Variants in OR4K2 observed in about 807,000 individuals in gnomAD.
OR4K2 encodes olfactory receptor 4K2.
OR4K2 carries 8 observed loss-of-function variants against 10.5 expected under a neutral mutation model. That is an observed-to-expected ratio of 0.76 (90% CI 0.45 to 1.37). The LOEUF (loss-of-function observed/expected upper bound fraction) is 1.37, where lower values mean the gene tolerates loss of function less well. OR4K2 is among the 40% of genes most tolerant of loss of function. OR4K2 has a pLI of 0.00. For missense variants in OR4K2, 547 were observed against 379.5 expected (o/e 1.44, Z -3.67); for synonymous variants, 178 against 133.6 (o/e 1.33, Z -2.29).
rs1301297811 is a variant in OR4K2 at position 19,881,807 on chromosome 14, T to A, written c.*4595T>A. The A allele has an allele frequency of 1.3e-5, 2 of 151,940 alleles. No individual in the cohort carries two copies. Among genetic ancestry groups the A allele is most frequent in the Non-Finnish European group, 2.9e-5 (2 of 67,984 alleles). 9.4% of individuals were successfully genotyped at this position (151,940 alleles called of 1,614,324 possible). On this transcript the variant is annotated 3_prime_UTR_variant, in exon 2 of 2. Transcript: ENST00000641885. Reference sequence around the variant, plus strand: ...TCACTTGCCACCTGTTAAAGAAAATTTAAAGGAGAGATTTTTTTTTTTAGT... The same window carrying A: ...TCACTTGCCACCTGTTAAAGAAAATATAAAGGAGAGATTTTTTTTTTTAGT...
rs777994488 is a variant in OR4K2 at position 19,877,198 on chromosome 14, G to T, written c.931G>T (p.Ala311Ser). The change falls in exon 2 of 2, where the codon GCA becomes TCA. Residue 311 changes from alanine (A) to serine (S), a missense_variant. Coordinates refer to ENST00000641885, the MANE Select transcript of OR4K2 (RefSeq NM_001005501.2). ...AAATAGGTTTCTAAATTTTAATAAG[G>T]CAATGCCTTCATAGTTTTTGTGACA... ...LKNRFLNFNK[A>S]MPS 14 of 1,579,594 alleles carry T rather than the reference G, an allele frequency of 8.9e-6. No individual in the cohort carries two copies. The highest frequency in any genetic ancestry group is 1.3e-5 in the African/African-American group (1 of 74,142).
rs1388103663 is a variant in OR4K2, at chr14:19,883,454, C to T, written c.*6242C>T. The T allele has an allele frequency of 1.3e-5, 2 of 152,198 alleles. No homozygotes were observed. The highest frequency in any genetic ancestry group is 2.9e-5 in the Non-Finnish European group (2 of 68,044). The allele number at this position is 152,198 out of a possible 1,614,324, so 9.4% of individuals were successfully genotyped here. On this transcript the variant is annotated 3_prime_UTR_variant, in exon 2 of 2. Transcript: ENST00000641885. The stretch of plus-strand genomic sequence containing the variant: ...GCTATTCCTTTATTTTCTTGATTAT[C>T]TTAAATTGAAATAATGACTCTCTTT...
At position 19,880,373 on chromosome 14, in the gene OR4K2, T is replaced by A. The variant is rs1450905444; in HGVS notation, c.*3161T>A. 1 of 152,216 alleles carries A rather than the reference T, an allele frequency of 6.6e-6. No individual in the cohort carries two copies. Among genetic ancestry groups the A allele is most frequent in the Non-Finnish European group, 1.5e-5 (1 of 68,026 alleles). The allele number at this position is 152,216 out of a possible 1,614,324, so 9.4% of individuals were successfully genotyped here. On this transcript the variant is annotated 3_prime_UTR_variant, in exon 2 of 2. Coordinates refer to ENST00000641885, the MANE Select transcript of OR4K2 (RefSeq NM_001005501.2). Reference sequence around the variant, plus strand: ...TAATAGTGGTCTCTACACCACAGAGTTATTTGAGGCATAAAAGAAGCAAAT... The same window carrying A: ...TAATAGTGGTCTCTACACCACAGAGATATTTGAGGCATAAAAGAAGCAAAT...
chr14:19,876,851 T>A lies in OR4K2; in HGVS notation c.584T>A (p.Leu195Gln), dbSNP rs751443657. ...TTGGCTTGTGTGGATACTTATGTTCTGGGCCTCTTTATGATCTCAACAAGT... is the reference window on the plus strand; with the variant it reads ...TTGGCTTGTGTGGATACTTATGTTCAGGGCCTCTTTATGATCTCAACAAGT... ...FQLACVDTYV[L>Q]GLFMISTSGI... The change falls in exon 2 of 2, where the codon CTG (leucine) becomes CAG (glutamine). Residue 195 changes from leucine to glutamine, a missense_variant. Leu to Gln is a moderately radical substitution (Grantham distance 113). Coordinates refer to ENST00000641885, the MANE Select transcript of OR4K2 (RefSeq NM_001005501.2). The A allele has an allele frequency of 1.2e-6, 2 of 1,614,082 alleles. No individual in the cohort carries two copies. The highest frequency in any genetic ancestry group is 2.7e-5 in the African/African-American group (2 of 74,940).
chr14:19,879,286 A>G lies in OR4K2; in HGVS notation c.*2074A>G, dbSNP rs1212169341. 1 of 152,204 alleles carries G rather than the reference A, an allele frequency of 6.6e-6. No homozygotes were observed. The highest frequency in any genetic ancestry group is 1.5e-5 in the Non-Finnish European group (1 of 68,044). 9.4% of individuals were successfully genotyped at this position (152,204 alleles called of 1,614,324 possible). A position where few individuals can be genotyped will look rare whatever the true frequency, so the allele number is the denominator to read the frequency against. ...CTGCATGTTATATAAACACTTAAAA[A>G]TCTTAGTTAGGACTTTAGGACTCAT... is the stretch of plus-strand genomic sequence containing the variant. On this transcript the variant is annotated 3_prime_UTR_variant, in exon 2 of 2. Coordinates refer to ENST00000641885, the MANE Select transcript of OR4K2 (RefSeq NM_001005501.2).
Position 19,880,570 on chromosome 14 carries a change from T to C in OR4K2, c.*3358T>C, listed in dbSNP as rs1397606961. On this transcript the variant is annotated 3_prime_UTR_variant, in exon 2 of 2. Coordinates refer to ENST00000641885, the MANE Select transcript of OR4K2 (RefSeq NM_001005501.2). ...TTTTAAATATTCATGTCTGTATATGTGTGTCAGTATTAATTTGAAAAATTA... is the reference window on the plus strand; with the variant it reads ...TTTTAAATATTCATGTCTGTATATGCGTGTCAGTATTAATTTGAAAAATTA... The C allele has an allele frequency of 6.6e-6, 1 of 152,268 alleles. No individual in the cohort carries two copies. Among genetic ancestry groups the C allele is most frequent in the East Asian group, 1.9e-4 (1 of 5,206 alleles). The allele number at this position is 152,268 out of a possible 1,614,324, so 9.4% of individuals were successfully genotyped here. A position where few individuals can be genotyped will look rare whatever the true frequency, so the allele number is the denominator to read the frequency against.
Position 19,882,971 on chromosome 14 carries a change from G to A in OR4K2, c.*5759G>A, listed in dbSNP as rs1881076474. The stretch of plus-strand genomic sequence containing the variant: ...GCCTCCTGAGTAGCTGGGACTACAG[G>A]CGCCCGCCACCACGCCCAGCTAATT... On this transcript the variant is annotated 3_prime_UTR_variant, in exon 2 of 2. Coordinates refer to ENST00000641885, the MANE Select transcript of OR4K2 (RefSeq NM_001005501.2). 1 of 152,444 alleles carries A rather than the reference G, an allele frequency of 6.6e-6. No individual in the cohort carries two copies. Among genetic ancestry groups the A allele is most frequent in the Admixed American group, 6.6e-5 (1 of 15,252 alleles). 9.4% of individuals were successfully genotyped at this position (152,444 alleles called of 1,614,324 possible). A position where few individuals can be genotyped will look rare whatever the true frequency, so the allele number is the denominator to read the frequency against.
In OR4K2 at chr14:19,881,200, A is replaced by T. The variant is rs1881028110; in HGVS notation, c.*3988A>T. On this transcript the variant is annotated 3_prime_UTR_variant, in exon 2 of 2. Coordinates refer to ENST00000641885, the MANE Select transcript of OR4K2 (RefSeq NM_001005501.2). ...GTCAATTGAAAAACGGGGAGAAGAA[A>T]ACAGCCAGGGAAATCTAATTCATGT... is the stretch of plus-strand genomic sequence containing the variant. 6.6e-6 allele frequency: 1 copy of T among 152,254 alleles called. No individual in the cohort carries two copies. The highest frequency in any genetic ancestry group is 1.5e-5 in the Non-Finnish European group (1 of 68,048). The allele number at this position is 152,254 out of a possible 1,614,324, so 9.4% of individuals were successfully genotyped here. A position where few individuals can be genotyped will look rare whatever the true frequency, so the allele number is the denominator to read the frequency against.
chr14:19,878,959 G>A lies in OR4K2; in HGVS notation c.*1747G>A, dbSNP rs1297043375. The A allele has an allele frequency of 1.3e-5, 2 of 152,340 alleles. No homozygotes were observed. Among genetic ancestry groups the A allele is most frequent in the East Asian group, 3.9e-4 (2 of 5,192 alleles). The allele number at this position is 152,340 out of a possible 1,614,324, so 9.4% of individuals were successfully genotyped here. ...TTGTCCAGGGAATATTTTCAAAACT[G>A]TGCTGCTTTTTGCAATATAAAACTG... On this transcript the variant is annotated 3_prime_UTR_variant, in exon 2 of 2. Coordinates refer to ENST00000641885, the MANE Select transcript of OR4K2 (RefSeq NM_001005501.2).
Position 19,879,293 on chromosome 14 carries a change from T to C in OR4K2, c.*2081T>C, listed in dbSNP as rs1438103288. 1 of 152,174 alleles carries C rather than the reference T, an allele frequency of 6.6e-6. No homozygotes were observed. The highest frequency in any genetic ancestry group is 6.6e-5 in the Admixed American group (1 of 15,264). 9.4% of individuals were successfully genotyped at this position (152,174 alleles called of 1,614,324 possible). On this transcript the variant is annotated 3_prime_UTR_variant, in exon 2 of 2. Coordinates refer to ENST00000641885, the MANE Select transcript of OR4K2 (RefSeq NM_001005501.2). ...TTATATAAACACTTAAAAATCTTAG[T>C]TAGGACTTTAGGACTCATGGTGGTT...
In OR4K2 at chr14:19,880,239, C is replaced by G. The variant is rs1881004650; in HGVS notation, c.*3027C>G. On this transcript the variant is annotated 3_prime_UTR_variant, in exon 2 of 2. Coordinates refer to ENST00000641885, the MANE Select transcript of OR4K2 (RefSeq NM_001005501.2). ...TTTTAAAAGTCTTAGACTCTGGTAT[C>G]TTTTTTTTTTTTAAACAGTGTTTAA... 1 of 147,852 alleles carries G rather than the reference C, an allele frequency of 6.8e-6. No individual in the cohort carries two copies. The highest frequency in any genetic ancestry group is 2.5e-5 in the African/African-American group (1 of 40,436). 9.2% of individuals were successfully genotyped at this position (147,852 alleles called of 1,614,324 possible).
Position 19,876,280 on chromosome 14 carries a change from A to G in OR4K2, c.13A>G (p.Asn5Asp), listed in dbSNP as rs1880892195. The change falls in exon 2 of 2, where the codon AAT (asparagine) becomes GAT (aspartate). Residue 5 changes from asparagine to aspartate, a missense_variant. By Grantham distance (23) the Asn-to-Asp change is conservative. Coordinates refer to ENST00000641885, the MANE Select transcript of OR4K2 (RefSeq NM_001005501.2). MDVG[N>D]KSTMSEFVLL... ...ATGAATCAAGACAATGGATGTGGGC[A>G]ATAAGTCTACCATGTCTGAATTTGT... 2.5e-6 allele frequency: 4 copies of G among 1,601,144 alleles called. No individual in the cohort carries two copies. Among genetic ancestry groups the G allele is most frequent in the Admixed American group, 1.7e-5 (1 of 59,200 alleles).
chr14:19,876,113 A>G lies in OR4K2; in HGVS notation c.-45A>G. 2 of 644,022 alleles carry G rather than the reference A, an allele frequency of 3.1e-6. No homozygotes were observed. Among genetic ancestry groups the G allele is most frequent in the Non-Finnish European group, 5.2e-6 (2 of 383,668 alleles). 39.9% of individuals were successfully genotyped at this position (644,022 alleles called of 1,614,324 possible). Reference sequence around the variant, plus strand: ...CATTCAAAACAATATACCAAATGAGAAGGATGGAAAGAATAGTCAAGGTAA... The same window carrying G: ...CATTCAAAACAATATACCAAATGAGGAGGATGGAAAGAATAGTCAAGGTAA... On this transcript the variant is annotated 5_prime_UTR_variant, in exon 1 of 2. Transcript: ENST00000641885.
rs1881072232 is a variant in OR4K2 at position 19,882,838 on chromosome 14, T to TTC, written c.*5627_*5628insCT. 1 of 149,944 alleles carries TTC rather than the reference T, an allele frequency of 6.7e-6. No individual in the cohort carries two copies. Among genetic ancestry groups the TTC allele is most frequent in the East Asian group, 1.9e-4 (1 of 5,198 alleles). The allele number at this position is 149,944 out of a possible 1,614,324, so 9.3% of individuals were successfully genotyped here. On this transcript the variant is annotated 3_prime_UTR_variant, in exon 2 of 2. Transcript: ENST00000641885. ...TTTTTCTTTTTTTTTTCTTTTTTTT[T>TTC]TTTTTTTGAGACGGAGTCTTGCTCT...
In OR4K2 at chr14:19,878,974, A is replaced by G. The variant is rs941809078; in HGVS notation, c.*1762A>G. ...TTTCAAAACTGTGCTGCTTTTTGCA[A>G]TATAAAACTGTGGAATCTTTTGGAA... On this transcript the variant is annotated 3_prime_UTR_variant, in exon 2 of 2. Coordinates refer to ENST00000641885, the MANE Select transcript of OR4K2 (RefSeq NM_001005501.2). 2.0e-5 allele frequency: 3 copies of G among 152,348 alleles called. No homozygotes were observed. The highest frequency in any genetic ancestry group is 2.1e-4 in the South Asian group (1 of 4,830). The allele number at this position is 152,348 out of a possible 1,614,324, so 9.4% of individuals were successfully genotyped here.
In OR4K2 at chr14:19,877,236, C is replaced by A; in HGVS notation, c.*24C>A. ...AGTTTTTGTGACACAGAACATTAGA[C>A]ACAATGCTGTGTTAGGCTTTTCTTT... On this transcript the variant is annotated 3_prime_UTR_variant, in exon 2 of 2. Coordinates refer to ENST00000641885, the MANE Select transcript of OR4K2 (RefSeq NM_001005501.2). The A allele has an allele frequency of 6.9e-7, 1 of 1,448,530 alleles. No individual in the cohort carries two copies. The highest frequency in any genetic ancestry group is 9.4e-7 in the Non-Finnish European group (1 of 1,059,884). 89.7% of individuals were successfully genotyped at this position (1,448,530 alleles called of 1,614,324 possible). A position where few individuals can be genotyped will look rare whatever the true frequency, so the allele number is the denominator to read the frequency against.
At position 19,882,415 on chromosome 14, in the gene OR4K2, T is replaced by A. The variant is rs1881059188; in HGVS notation, c.*5203T>A. ...GAGGGTGGATTGGAGGGAGACTCCG[T>A]CAATCAATCAATATCCATTACTTTA... On this transcript the variant is annotated 3_prime_UTR_variant, in exon 2 of 2. Transcript: ENST00000641885. 6.6e-6 allele frequency: 1 copy of A among 152,140 alleles called. No homozygotes were observed. Among genetic ancestry groups the A allele is most frequent in the Non-Finnish European group, 1.5e-5 (1 of 68,042 alleles). 9.4% of individuals were successfully genotyped at this position (152,140 alleles called of 1,614,324 possible). A position where few individuals can be genotyped will look rare whatever the true frequency, so the allele number is the denominator to read the frequency against.
Position 19,879,835 on chromosome 14 carries a change from T to C in OR4K2, c.*2623T>C, listed in dbSNP as rs865976029. 1 of 152,254 alleles carries C rather than the reference T, an allele frequency of 6.6e-6. No individual in the cohort carries two copies. The highest frequency in any genetic ancestry group is 1.5e-5 in the Non-Finnish European group (1 of 68,046). 9.4% of individuals were successfully genotyped at this position (152,254 alleles called of 1,614,324 possible). A position where few individuals can be genotyped will look rare whatever the true frequency, so the allele number is the denominator to read the frequency against. ...GCTTGTAAAGCTTAGGTTTTATAACTCCTCCTTTGCATGGATTTCCTCGAA... is the reference window on the plus strand; with the variant it reads ...GCTTGTAAAGCTTAGGTTTTATAACCCCTCCTTTGCATGGATTTCCTCGAA... On this transcript the variant is annotated 3_prime_UTR_variant, in exon 2 of 2. Transcript: ENST00000641885.
In OR4K2 at chr14:19,876,082, A is replaced by C. The variant is rs1418354449; in HGVS notation, c.-76A>C. The C allele has an allele frequency of 7.0e-6, 4 of 574,144 alleles. No individual in the cohort carries two copies. Among genetic ancestry groups the C allele is most frequent in the Non-Finnish European group, 1.2e-5 (4 of 335,570 alleles). 35.6% of individuals were successfully genotyped at this position (574,144 alleles called of 1,614,324 possible). A position where few individuals can be genotyped will look rare whatever the true frequency, so the allele number is the denominator to read the frequency against. ...TTTGCTATAAGCTCTAATATTTCAT[A>C]ATTTCCATTCAAAACAATATACCAA... On this transcript the variant is annotated 5_prime_UTR_variant, in exon 1 of 2. Coordinates refer to ENST00000641885, the MANE Select transcript of OR4K2 (RefSeq NM_001005501.2).
Sources: gnomAD v4.1 joint callset for allele counts on GRCh38, gnomAD v4.1.1 for gene constraint, MANE v1.5 for transcripts, NCBI Gene and HGNC (gene_info 2026-07-23, HGNC 2026-07-21) for gene names.